The following PCDH15 variants were observed in gnomAD, a reference collection of about 807,000 sequenced individuals.
PCDH15 encodes the protein protocadherin related 15.
PCDH15 carries 129 observed loss-of-function variants against 178.5 expected under a neutral mutation model. The observed-to-expected ratio is 0.72, with a 90% CI of 0.63 to 0.84. PCDH15 has a LOEUF of 0.84. Among genes scored for constraint, PCDH15 ranks in the 40% least tolerant of loss-of-function variants. The pLI, the probability that PCDH15 is intolerant of heterozygous loss-of-function variation, is 0.00. For synonymous variants in PCDH15, 800 were observed against 732.0 expected, an observed-to-expected ratio of 1.09 and a Z score of -1.50; for missense variants, 2,230 against 2,099.9, an observed-to-expected ratio of 1.06 and a Z score of -1.21.
chr10:55,541,374 C>A (rs1301090079), intron 2 of PCDH15, among the ~76,000 whole-genome samples: 1 of 151,824 alleles, frequency 6.6e-6, no homozygotes, highest in African/African-American at 2.4e-5. Flanking sequence ...TAAAACTTTT[C>A]TTAATGAAGA....
intron 2 of PCDH15, among the ~76,000 whole-genome samples, chr10:55,529,000 T>C (rs1841381528): frequency 6.6e-6 from 1 of 152,186 alleles, no homozygotes; most frequent in African/African-American, 2.4e-5. Flanking sequence ...TTTTTTCATG[T>C]GTTTTTTGGC....
intron 2 of PCDH15, among the ~76,000 whole-genome samples, chr10:54,584,010 A>G (rs1242250067): frequency 6.6e-6 from 1 of 152,162 alleles, no homozygotes; most frequent in East Asian, 1.9e-4. Flanking sequence ...AATAAAAACA[A>G]TAAAGATACA....
chr10:54,107,699 G>A (rs1053669647), intron 15 of PCDH15, among the ~76,000 whole-genome samples: 2 of 152,178 alleles, frequency 1.3e-5, no homozygotes, highest in African/African-American at 4.8e-5. Flanking sequence ...CCTAGACTGA[G>A]TGATATCAGG....
At position 54,084,217 on chromosome 10, in the gene PCDH15, C is replaced by T. The variant is rs1353071107; in HGVS notation, c.1998-4793G>A. Reference sequence around the variant, plus strand: ...TCTCCTGCCTCAGCCTCCTGAGTAGCTGGGATTACAGGTTCCCTGGGAGCT... The same window carrying T: ...TCTCCTGCCTCAGCCTCCTGAGTAGTTGGGATTACAGGTTCCCTGGGAGCT... On this transcript the variant is annotated intron_variant, in intron 16 of 37. Coordinates refer to ENST00000644397, the MANE Select transcript of PCDH15 (RefSeq NM_001384140.1). Among the ~76,000 whole-genome samples, 6 of 151,898 alleles carry T rather than the reference C, an allele frequency of 4.0e-5. No homozygotes were observed. The East Asian group carries it at 1.2e-3, about 30-fold the overall frequency.
chr10:54,742,795 G>C (rs1408199121), intron 1 of PCDH15, among the ~76,000 whole-genome samples: 1 of 152,008 alleles, frequency 6.6e-6, no homozygotes, highest in Non-Finnish European at 1.5e-5. Context: ...TGGCAGCCTG[G>C]GGTGAGGGAA....
chr10:54,236,151 C>T (rs972333847), intron 9 of PCDH15, among the ~76,000 whole-genome samples: 1 of 152,168 alleles, frequency 6.6e-6, no homozygotes, highest in African/African-American at 2.4e-5. Flanking sequence ...TATAGCCTGT[C>T]TCACATGCAT....
At chr10:55,446,058 A>G (rs1439999220) in intron 2 of PCDH15, among the ~76,000 whole-genome samples, 1 of 152,126 alleles carries the variant, frequency 6.6e-6, no homozygotes, top group Non-Finnish European at 1.5e-5. Flanking sequence ...AGTCAGGCCT[A>G]TGCCTGAGGC....
At chr10:53,839,631 T>C (rs886370570) in intron 29 of PCDH15, among the ~76,000 whole-genome samples, 7 of 151,942 alleles carry the variant, frequency 4.6e-5, no homozygotes, top group African/African-American at 9.7e-5. Flanking sequence ...CAAGACCCAG[T>C]TGGACACTAG....
chr10:54,076,025 G>A (rs2094336639), intron 17 of PCDH15, among the ~76,000 whole-genome samples: 1 of 152,100 alleles, frequency 6.6e-6, no homozygotes, highest in Admixed American at 6.6e-5. Flanking sequence ...AGAAATTGCA[G>A]TAAATCTGTA....
intron 1 of PCDH15, among the ~76,000 whole-genome samples, chr10:55,227,724 C>T (rs747142607): frequency 1.1e-4 from 17 of 152,002 alleles, no homozygotes; most frequent in Non-Finnish European, 2.2e-4. Context: ...TCGTACTTTG[C>T]TCAGCTATCA....
intron 3 of PCDH15, among the ~76,000 whole-genome samples, chr10:54,851,159 A>C (rs1953614926): frequency 6.6e-6 from 1 of 152,158 alleles, no homozygotes; most frequent in Non-Finnish European, 1.5e-5. Flanking sequence ...AGTAGGCCAG[A>C]TGGATACCCC....
intron 1 of PCDH15, among the ~76,000 whole-genome samples, chr10:54,682,567 GT>G (rs1345794157): frequency 2.0e-5 from 3 of 152,094 alleles, no homozygotes; most frequent in African/African-American, 7.2e-5. Context: ...TAATTCAGCT[GT>G]GTTTGATACT....
At chr10:54,640,777 G>A (rs752740892) in intron 2 of PCDH15, among the ~76,000 whole-genome samples, 1 of 151,982 alleles carries the variant, frequency 6.6e-6, no homozygotes, top group Non-Finnish European at 1.5e-5. Flanking sequence ...ACTTCTTCAC[G>A]ATGCCTTTTT....
chr10:54,620,186 C>T (rs1469289422), intron 2 of PCDH15, among the ~76,000 whole-genome samples: 6 of 151,762 alleles, frequency 4.0e-5, no homozygotes, highest in African/African-American at 1.5e-4. Context: ...GTTTGCTGAC[C>T]CCCAACTCAA....
chr10:54,585,237 G>T (rs2091366688), intron 2 of PCDH15, among the ~76,000 whole-genome samples: 1 of 152,082 alleles, frequency 6.6e-6, no homozygotes, highest in East Asian at 1.9e-4. Flanking sequence ...AACCTTAATT[G>T]GAATATCTAT....
chr10:54,216,044 GAAAAAAAAAAA>G (rs10648282), intron 9 of PCDH15, among the ~76,000 whole-genome samples: 66 of 70,388 alleles, frequency 9.4e-4, no homozygotes, highest in African/African-American at 3.9e-3. Context: ...CTCCGTCTCA[GAAAAAAAAAAA>G]AAAAAAAAAA....
intron 3 of PCDH15, among the ~76,000 whole-genome samples, chr10:54,503,722 C>A (rs943499321): frequency 1.3e-5 from 2 of 151,996 alleles, no homozygotes; most frequent in African/African-American, 4.8e-5. Flanking sequence ...TTAACCCCTT[C>A]TTTTATTTAT....
intron 15 of PCDH15, among the ~76,000 whole-genome samples, chr10:54,126,563 T>C (rs957477216): frequency 3.9e-5 from 6 of 152,136 alleles, no homozygotes; most frequent in South Asian, 2.1e-4. Flanking sequence ...TAATGTGAGA[T>C]ACATCTTTGA....
At chr10:54,371,840 C>A (rs373244087) in intron 4 of PCDH15, among the ~76,000 whole-genome samples, 2 of 151,904 alleles carry the variant, frequency 1.3e-5, no homozygotes, top group East Asian at 3.9e-4. Flanking sequence ...GCTTCAATTT[C>A]TTTTTTTCAC....
Sources: gnomAD v4.1 joint callset for allele counts (sites outside exome capture counted in the v4.1 genomes callset) on GRCh38, gnomAD v4.1.1 for gene constraint, MANE v1.5 for transcripts, NCBI Gene and HGNC (gene_info 2026-07-23, HGNC 2026-07-21) for gene names.